Variants in STK33 observed in about 807,000 individuals in gnomAD.
The protein encoded by STK33 is serine/threonine-protein kinase 33.
STK33 carries 52 observed loss-of-function variants against 58.0 expected under a neutral mutation model. The ratio of observed to expected loss-of-function variants is 0.90; its 90% CI spans 0.72 to 1.13. The LOEUF (loss-of-function observed/expected upper bound fraction) is 1.13. Ranked by LOEUF, STK33 falls within the 50% of genes most tolerant of loss-of-function variation. STK33 has a pLI of 0.00. For missense variants in STK33, 630 were observed against 604.2 expected (o/e 1.04, Z -0.45); for synonymous variants, 215 against 200.1 (o/e 1.07, Z -0.63).
chr11:8,447,845 T>C (rs1246451629), intron 11 of STK33, among the ~76,000 whole-genome samples: 1 of 152,188 alleles, frequency 6.6e-6, no homozygotes. Context: ...GGAAGTCAAA[T>C]TGTCCCTGTT....
chr11:8,478,792 G>T (rs1949525051), intron 2 of STK33, among the ~76,000 whole-genome samples: 2 of 151,422 alleles, frequency 1.3e-5, no homozygotes, highest in South Asian at 4.2e-4. Flanking sequence ...TGCAGACCAA[G>T]CCAAATGACT....
intron 6 of STK33, 120 bp from the exon 7 acceptor site, chr11:8,464,942 A>G: frequency 1.6e-6 from 1 of 606,426 alleles, no homozygotes; most frequent in South Asian, 2.5e-5. Context: ...AGTTAAAATC[A>G]AATAGAAGAC....
chr11:8,517,487 C>G (rs775504252), intron 1 of STK33, among the ~76,000 whole-genome samples: 9 of 152,308 alleles, frequency 5.9e-5, no homozygotes, highest in Non-Finnish European at 1.3e-4. Flanking sequence ...CGGAGAATGA[C>G]TTTGACAAGT....
intron 1 of STK33, among the ~76,000 whole-genome samples, chr11:8,508,441 T>C (rs1952042705): frequency 6.6e-6 from 1 of 151,878 alleles, no homozygotes; most frequent in African/African-American, 2.4e-5. Context: ...CCAGCGAATT[T>C]TTTAATTTAT....
intron 1 of STK33, among the ~76,000 whole-genome samples, chr11:8,524,081 G>A (rs934233769): frequency 8.5e-5 from 13 of 152,196 alleles, no homozygotes; most frequent in African/African-American, 3.1e-4. Flanking sequence ...TAAGGGCGGT[G>A]CAAGATGTGC....
At chr11:8,540,966 A>ATCTCTC (rs58020007) in intron 1 of STK33, among the ~76,000 whole-genome samples, 6 of 143,992 alleles carry the variant, frequency 4.2e-5, no homozygotes, top group African/African-American at 1.3e-4. Flanking sequence ...CCATCTTACT[A>ATCTCTC]TCTCTCTCTC....
At chr11:8,580,492 G>A (rs2029930796) in intron 1 of STK33, among the ~76,000 whole-genome samples, 1 of 151,202 alleles carries the variant, frequency 6.6e-6, no homozygotes, top group African/African-American at 2.4e-5. Context: ...GAGGGAGGGG[G>A]AAGGGGGAGG....
At chr11:8,571,238 A>G (rs780699621) in intron 1 of STK33, among the ~76,000 whole-genome samples, 2 of 152,336 alleles carry the variant, frequency 1.3e-5, no homozygotes, top group African/African-American at 2.4e-5. Context: ...TGATACAAGC[A>G]TATGTGAGGC....
At chr11:8,582,630 G>C (rs961507554) in intron 1 of STK33, among the ~76,000 whole-genome samples, 2 of 152,072 alleles carry the variant, frequency 1.3e-5, no homozygotes, top group African/African-American at 4.8e-5. Context: ...TGATACGTGG[G>C]GATTATGGGG....
At chr11:8,446,132 T>A (rs149571715) in intron 11 of STK33, among the ~76,000 whole-genome samples, 138 of 152,340 alleles carry the variant, frequency 9.1e-4, no homozygotes, top group African/African-American at 3.2e-3. Flanking sequence ...CAGAAATTTA[T>A]CTATTTCTTC....
At chr11:8,540,537 T>A (rs2140322570) in intron 1 of STK33, among the ~76,000 whole-genome samples, 1 of 152,124 alleles carries the variant, frequency 6.6e-6, no homozygotes, top group East Asian at 1.9e-4. Flanking sequence ...CACACGCATA[T>A]ACACACAGGA....
intron 14 of STK33, among the ~76,000 whole-genome samples, chr11:8,421,218 C>A (rs566221207): frequency 6.6e-6 from 1 of 152,142 alleles, no homozygotes; most frequent in East Asian, 1.9e-4. Flanking sequence ...TCCTACACAC[C>A]CCAAGATGCA....
intron 11 of STK33, among the ~76,000 whole-genome samples, chr11:8,441,312 A>T (rs143098076): frequency 1.0e-3 from 155 of 152,236 alleles, no homozygotes; most frequent in African/African-American, 3.7e-3. Context: ...AACTAGTCAC[A>T]GGACATAGAC....
At chr11:8,489,543 G>C (rs899680978) in intron 1 of STK33, among the ~76,000 whole-genome samples, 1 of 152,116 alleles carries the variant, frequency 6.6e-6, no homozygotes, top group Non-Finnish European at 1.5e-5. Context: ...AAGCATGCAA[G>C]AGAGAGTGAG....
At chr11:8,355,061 T>TAGGCA in the STK33 span, among the ~76,000 whole-genome samples, 1 of 152,228 alleles carries the variant, frequency 6.6e-6, no homozygotes, top group Admixed American at 6.5e-5. Flanking sequence ...CAGCGGCCGC[T>TAGGCA]GCCTGCTAAT....
intron 1 of STK33, among the ~76,000 whole-genome samples, chr11:8,517,235 C>A (rs1952884409): frequency 6.6e-6 from 1 of 152,172 alleles, no homozygotes. Context: ...TAGAGTACGC[C>A]TCCAGCAAAC....
At chr11:8,348,366 T>C in the STK33 span, among the ~76,000 whole-genome samples, 3 of 152,098 alleles carry the variant, frequency 2.0e-5, no homozygotes, top group Non-Finnish European at 4.4e-5. Flanking sequence ...GAAGCAAACA[T>C]GTCCTTCTTC....
intron 1 of STK33, among the ~76,000 whole-genome samples, chr11:8,528,838 T>C (rs1954275445): frequency 1.3e-5 from 2 of 152,206 alleles, no homozygotes; most frequent in Admixed American, 6.5e-5. Flanking sequence ...CAAACCAAAA[T>C]GTTTGCATAT....
At chr11:8,561,783 C>A (rs1045377826) in intron 1 of STK33, among the ~76,000 whole-genome samples, 2 of 152,194 alleles carry the variant, frequency 1.3e-5, no homozygotes, top group African/African-American at 2.4e-5. Context: ...AAAGACAATG[C>A]AGTACCTCAT....
Sources: gnomAD v4.1 joint callset for allele counts (sites outside exome capture counted in the v4.1 genomes callset) on GRCh38, gnomAD v4.1.1 for gene constraint, MANE v1.5 for transcripts, NCBI Gene and HGNC (gene_info 2026-07-23, HGNC 2026-07-21) for gene names.